ITGA1: variants seen among roughly 807,000 people sequenced by gnomAD.
The protein encoded by ITGA1 is integrin alpha-1.
In ITGA1, 85 loss-of-function variants were observed where a neutral mutation model predicts 145.9. That is an observed-to-expected ratio of 0.58 (90% CI 0.49 to 0.70). The LOEUF (loss-of-function observed/expected upper bound fraction) is 0.70. Among genes scored for constraint, ITGA1 ranks in the 30% least tolerant of loss-of-function variants. The pLI is 0.00. For synonymous variants in ITGA1, 520 were observed against 495.3 expected, an observed-to-expected ratio of 1.05 and a Z score of -0.66; for missense variants, 1,351 against 1,418.7, an observed-to-expected ratio of 0.95 and a Z score of 0.77.
At chr5:52,916,603 AT>A (rs1750651753) in intron 15 of ITGA1, among the ~76,000 whole-genome samples, 2 of 152,084 alleles carry the variant, frequency 1.3e-5, no homozygotes, top group African/African-American at 4.8e-5. Flanking sequence ...AATAATCACT[AT>A]TTAAAAAAAA....
intron 1 of ITGA1, among the ~76,000 whole-genome samples, chr5:52,834,066 A>G (rs2456208): frequency 0.11 from 15,997 of 152,266 alleles, 893 homozygotes; most frequent in East Asian, 0.18. Flanking sequence ...ACAATAACAC[A>G]TAACATAAGA....
chr5:52,840,482 C>A (rs1056585334), intron 1 of ITGA1, among the ~76,000 whole-genome samples: 1 of 152,080 alleles, frequency 6.6e-6, no homozygotes, highest in Non-Finnish European at 1.5e-5. Flanking sequence ...GGTTCTGCAG[C>A]TTTTTTATTT....
intron 27 of ITGA1, among the ~76,000 whole-genome samples, chr5:52,946,372 T>C (rs930114810): frequency 3.9e-5 from 6 of 152,152 alleles, no homozygotes; most frequent in African/African-American, 1.4e-4. Context: ...CATCTGTGTT[T>C]TGTTTTGTTT....
chr5:52,853,679 T>G (rs1169652115), intron 2 of ITGA1, among the ~76,000 whole-genome samples: 1 of 152,176 alleles, frequency 6.6e-6, no homozygotes, highest in Non-Finnish European at 1.5e-5. Flanking sequence ...TGCTCTGAAG[T>G]GTAATTTATA....
chr5:52,848,788 T>C lies in ITGA1; in HGVS notation c.62-577T>C, dbSNP rs184644799. ...TTCCCCTTCCTGTGTCCAGGTGTTC[T>C]CATTGTTCAATTCCCACCTATGAGT... On this transcript the variant is annotated intron_variant, in intron 1 of 28. Coordinates refer to ENST00000282588, the MANE Select transcript of ITGA1 (RefSeq NM_181501.2). 4.7e-5 allele frequency among the ~76,000 whole-genome samples: 7 copies of C among 148,724 alleles called. No individual in the cohort carries two copies. In the East Asian group the frequency reaches 1.4e-3, roughly 31 times the overall value.
In ITGA1 at chr5:52,922,674, C is replaced by G. The variant is rs1339998608; in HGVS notation, c.2293-103C>G. On this transcript the variant is annotated intron_variant, in intron 17 of 28. Coordinates refer to ENST00000282588, the MANE Select transcript of ITGA1 (RefSeq NM_181501.2). ...ATGTCAGATTAGATGCACAAGAATG[C>G]TGCAGTAAGCCTGACCCTTGGGAAC... The G allele has an allele frequency of 2.5e-5, 18 of 734,172 alleles. No individual in the cohort carries two copies. The East Asian group carries it at 4.6e-4, about 19-fold the overall frequency. The allele number at this position is 734,172 out of a possible 1,614,324, so 45.5% of individuals were successfully genotyped here.
chr5:52,941,889 A>T (rs1751058829), intron 26 of ITGA1, among the ~76,000 whole-genome samples: 1 of 152,108 alleles, frequency 6.6e-6, no homozygotes. Context: ...AGGTTTTCTT[A>T]TAATATTTTT....
chr5:52,901,976 G>A (rs1436658611), intron 11 of ITGA1: 3 of 152,030 alleles, frequency 2.0e-5, no homozygotes, highest in Admixed American at 1.3e-4. Flanking sequence ...ATTCAGAAAA[G>A]GCAGGACAAA....
chr5:52,842,205 T>C (rs1210085074), intron 1 of ITGA1, among the ~76,000 whole-genome samples: 2 of 152,170 alleles, frequency 1.3e-5, no homozygotes, highest in Admixed American at 1.3e-4. Context: ...GCATCATGTT[T>C]TGAGCAACTG....
At chr5:52,810,131 T>C (rs1419127033) in intron 1 of ITGA1, among the ~76,000 whole-genome samples, 1 of 152,136 alleles carries the variant, frequency 6.6e-6, no homozygotes, top group Non-Finnish European at 1.5e-5. Context: ...ACAGCAAAGA[T>C]GGGGATGGTG....
chr5:52,878,914 C>G (rs936103614), intron 6 of ITGA1, among the ~76,000 whole-genome samples: 1 of 139,122 alleles, frequency 7.2e-6, no homozygotes, highest in Non-Finnish European at 1.5e-5. Context: ...TAAATGTTTG[C>G]AAATAAATGA....
At chr5:52,858,031 TTA>T (rs1749543635) in intron 2 of ITGA1, among the ~76,000 whole-genome samples, 2 of 152,226 alleles carry the variant, frequency 1.3e-5, no homozygotes, top group Non-Finnish European at 2.9e-5. Flanking sequence ...TCCTAAATAT[TTA>T]TAGAGTTAGT....
chr5:52,916,089 G>T (rs909174852), intron 15 of ITGA1, among the ~76,000 whole-genome samples: 5 of 152,080 alleles, frequency 3.3e-5, no homozygotes, highest in Middle Eastern at 3.4e-3. Flanking sequence ...CCCCAAATTG[G>T]CCCAGTTCTT....
chr5:52,843,612 T>G (rs1378929205), intron 1 of ITGA1, among the ~76,000 whole-genome samples: 1 of 152,200 alleles, frequency 6.6e-6, no homozygotes, highest in Non-Finnish European at 1.5e-5. Flanking sequence ...CCATTTATCC[T>G]TTTTCTGCCA....
chr5:52,941,150 T>C (rs1356638251), intron 26 of ITGA1, among the ~76,000 whole-genome samples: 1 of 152,216 alleles, frequency 6.6e-6, no homozygotes, highest in African/African-American at 2.4e-5. Flanking sequence ...ATGGTGTATA[T>C]GTACATATTT....
intron 2 of ITGA1, among the ~76,000 whole-genome samples, chr5:52,851,533 G>A (rs975442027): frequency 3.9e-5 from 6 of 152,148 alleles, no homozygotes; most frequent in African/African-American, 1.4e-4. Flanking sequence ...TATCTTTGTA[G>A]AAAGTTAAGG....
chr5:52,915,600 T>C lies in ITGA1; in HGVS notation c.1988+6T>C. 3 of 1,613,370 alleles carry C rather than the reference T, an allele frequency of 1.9e-6. No homozygotes were observed. The highest frequency in any genetic ancestry group is 3.3e-4 in the Middle Eastern group (2 of 6,056). On this transcript the variant is annotated splice_donor_region_variant and intron_variant, in intron 15 of 28. Coordinates refer to ENST00000282588, the MANE Select transcript of ITGA1 (RefSeq NM_181501.2). ...GGTGGTGCTGCCCTCTTCTGGTATGTATTTTAATAACATCCTGTTAATCTG... is the reference window on the plus strand; with the variant it reads ...GGTGGTGCTGCCCTCTTCTGGTATGCATTTTAATAACATCCTGTTAATCTG...
intron 24 of ITGA1, 68 bp from the exon 25 acceptor site, chr5:52,939,522 C>T (rs1561255191): frequency 2.9e-6 from 3 of 1,018,672 alleles, no homozygotes; most frequent in Non-Finnish European, 4.6e-6. Context: ...CTTTACACTA[C>T]TGCAGCAAGT....
intron 11 of ITGA1, among the ~76,000 whole-genome samples, chr5:52,898,785 T>C (rs915759629): frequency 1.3e-5 from 2 of 152,224 alleles, no homozygotes; most frequent in Non-Finnish European, 2.9e-5. Flanking sequence ...AAATGTCTTC[T>C]ATCATTAATT....
Sources: gnomAD v4.1 joint callset for allele counts (sites outside exome capture counted in the v4.1 genomes callset) on GRCh38, gnomAD v4.1.1 for gene constraint, MANE v1.5 for transcripts, NCBI Gene and HGNC (gene_info 2026-07-23, HGNC 2026-07-21) for gene names.